Variants in DCPS observed in about 807,000 individuals in gnomAD.
DCPS encodes m7GpppX diphosphatase.
A neutral mutation model predicts 34.7 loss-of-function variants in DCPS; 27 were observed. That is an observed-to-expected ratio of 0.78 (90% CI 0.57 to 1.07). The LOEUF is 1.07. Among genes scored for constraint, DCPS ranks in the 50% least tolerant of loss-of-function variants. The pLI, the probability that DCPS is intolerant of heterozygous loss-of-function variation, is 0.00. For synonymous variants in DCPS, 185 were observed against 185.7 expected (o/e 1.00, Z 0.03); for missense variants, 464 against 436.9 (o/e 1.06, Z -0.55).
intron 2 of DCPS, among the ~76,000 whole-genome samples, chr11:126,324,247 T>G (rs1317951929): frequency 6.6e-6 from 1 of 152,222 alleles, no homozygotes; most frequent in African/African-American, 2.4e-5. Flanking sequence ...TGCATAATGA[T>G]TTCTGTTTTA....
In DCPS at chr11:126,345,687, G is replaced by A. The variant is rs1951919598; in HGVS notation, c.*74G>A. ...GGGACAAGATTTTTTATCTCCAAGT[G>A]AATTTTCTAAAAATGTATTTTATAC... On this transcript the variant is annotated 3_prime_UTR_variant, in exon 6 of 6. Coordinates refer to ENST00000263579, the MANE Select transcript of DCPS (RefSeq NM_014026.6). The surrounding 1 kb of genome is among the most constrained non-coding windows in gnomAD (Gnocchi z 7.4). 3.2e-6 allele frequency: 5 copies of A among 1,555,638 alleles called. No homozygotes were observed. The East Asian group carries it at 1.1e-4, about 35-fold the overall frequency.
chr11:126,316,751 G>C, intron 2 of DCPS, among the ~76,000 whole-genome samples: 1 of 151,420 alleles, frequency 6.6e-6, no homozygotes, highest in Non-Finnish European at 1.5e-5. Flanking sequence ...CGCCTCCCGG[G>C]TTCAAGCCAT....
rs1240194426 is a variant in DCPS, at chr11:126,334,122, A to G, written c.522+2572A>G. Among the ~76,000 whole-genome samples the G allele has an allele frequency of 6.6e-6, 1 of 152,076 alleles. No homozygotes were observed. The highest frequency in any genetic ancestry group is 1.9e-4 in the East Asian group (1 of 5,166). On this transcript the variant is annotated intron_variant, in intron 3 of 5. Coordinates refer to ENST00000263579, the MANE Select transcript of DCPS (RefSeq NM_014026.6). This position sits in a 1 kb window ranked among gnomAD's most constrained non-coding sequence, Gnocchi z 5.5. ...AAGAGGTAGGTCTTCACAGGGCTGG[A>G]TGGGGCTTAGCAACTGATTGACGTG...
At chr11:126,309,494 T>G (rs1951603103) in intron 2 of DCPS, among the ~76,000 whole-genome samples, 1 of 152,198 alleles carries the variant, frequency 6.6e-6, no homozygotes, top group African/African-American at 2.4e-5. Context: ...TAAATAGTTA[T>G]TATACCATGT....
intron 2 of DCPS, among the ~76,000 whole-genome samples, chr11:126,318,290 T>C (rs1951678391): frequency 6.6e-6 from 1 of 152,206 alleles, no homozygotes; most frequent in Non-Finnish European, 1.5e-5. Context: ...TTATCCTTGA[T>C]GTGGAGGTCT....
rs993172408 is a variant in DCPS, at chr11:126,346,270, G to A, written c.*657G>A. ...TGCCTTGCTCTGTTATTTGGTCAGC[G>A]AGTCCCCAGCCTTGAGTTTTTATCT... On this transcript the variant is annotated 3_prime_UTR_variant, in exon 6 of 6. Coordinates refer to ENST00000263579, the MANE Select transcript of DCPS (RefSeq NM_014026.6). This position sits in a 1 kb window ranked among gnomAD's most constrained non-coding sequence, Gnocchi z 4.1. Among the ~76,000 whole-genome samples the A allele has an allele frequency of 2.0e-4, 30 of 152,282 alleles. No individual in the cohort carries two copies. Among genetic ancestry groups the A allele is most frequent in the African/African-American group, 7.2e-4 (30 of 41,560 alleles).
chr11:126,343,532 CT>C (rs1951894290), intron 5 of DCPS, 115 bp downstream of exon 5: 1 of 900,136 alleles, frequency 1.1e-6, no homozygotes, highest in East Asian at 2.6e-5. Context: ...AGACTTCTCT[CT>C]GGATGCCAGT....
rs1261890077 is a variant in DCPS at position 126,325,908 on chromosome 11, A to G, written c.377-5497A>G. 6.6e-6 allele frequency among the ~76,000 whole-genome samples: 1 copy of G among 152,114 alleles called. No homozygotes were observed. Among genetic ancestry groups the G allele is most frequent in the African/African-American group, 2.4e-5 (1 of 41,406 alleles). On this transcript the variant is annotated intron_variant, in intron 2 of 5. Coordinates refer to ENST00000263579, the MANE Select transcript of DCPS (RefSeq NM_014026.6). The surrounding 1 kb of genome is among the most constrained non-coding windows in gnomAD (Gnocchi z 4.3). ...GCTGAGGTGGGCGGATTACGAGATC[A>G]GGAAATCGAGGCCATCCTGGCCAAC...
At position 126,331,306 on chromosome 11, in the gene DCPS, G is replaced by T. The variant is rs1007750202; in HGVS notation, c.377-99G>T. On this transcript the variant is annotated intron_variant, in intron 2 of 5. Transcript: ENST00000263579. This position sits in a 1 kb window ranked among gnomAD's most constrained non-coding sequence, Gnocchi z 7.2. ...CTCTTGGATTTTGGCTTCCCTCAGG[G>T]AATCAAAGCCAGGGTGGGAGTTCTC... The T allele has an allele frequency of 1.3e-6, 2 of 1,531,814 alleles. No individual in the cohort carries two copies. Among genetic ancestry groups the T allele is most frequent in the East Asian group, 4.5e-5 (2 of 44,210 alleles). 94.9% of individuals were successfully genotyped at this position (1,531,814 alleles called of 1,614,324 possible). A position where few individuals can be genotyped will look rare whatever the true frequency, so the allele number is the denominator to read the frequency against.
intron 1 of DCPS, among the ~76,000 whole-genome samples, chr11:126,305,065 A>T (rs915445442): frequency 1.3e-5 from 2 of 152,238 alleles, no homozygotes; most frequent in Non-Finnish European, 2.9e-5. Flanking sequence ...ACCTTGGCCT[A>T]GGCTTCCATG....
intron 2 of DCPS, among the ~76,000 whole-genome samples, chr11:126,326,479 T>G (rs1431978772): frequency 6.6e-6 from 1 of 152,122 alleles, no homozygotes; most frequent in East Asian, 1.9e-4. Flanking sequence ...TCATAAGGAG[T>G]AAATGAGTTC....
rs531824754 is a variant in DCPS at position 126,348,990 on chromosome 11, T to C, written c.*3377T>C. ...CTTTGTTCACCATTTCCCCAGAACC[T>C]AGGGTGGTGACTCACCTATAAGTGC... On this transcript the variant is annotated 3_prime_UTR_variant, in exon 6 of 6. Transcript: ENST00000263579. This position sits in a 1 kb window ranked among gnomAD's most constrained non-coding sequence, Gnocchi z 5.3. 3.3e-5 allele frequency among the ~76,000 whole-genome samples: 5 copies of C among 152,280 alleles called. No homozygotes were observed. The South Asian group carries it at 1.0e-3, about 32-fold the overall frequency.
rs1357577140 is a variant in DCPS at position 126,338,403 on chromosome 11, A to G, written c.636+4A>G. ...CCTCAAGTGGAACCAACAGCAGGTA[A>G]AGGTTTCTGGCTGGAATGTCCTGAT... On this transcript the variant is annotated splice_donor_region_variant and intron_variant, in intron 4 of 5. Transcript: ENST00000263579. This position sits in a 1 kb window ranked among gnomAD's most constrained non-coding sequence, Gnocchi z 5.4. 1.2e-6 allele frequency: 2 copies of G among 1,613,768 alleles called. No homozygotes were observed. Among genetic ancestry groups the G allele is most frequent in the Admixed American group, 1.7e-5 (1 of 60,004 alleles).
At chr11:126,307,003 C>T (rs916764141) in intron 2 of DCPS, among the ~76,000 whole-genome samples, 1 of 152,056 alleles carries the variant, frequency 6.6e-6, no homozygotes, top group African/African-American at 2.4e-5. Flanking sequence ...ACAGGACAGG[C>T]TCCCACAGCA....
At position 126,335,857 on chromosome 11, in the gene DCPS, G is replaced by A. The variant is rs558985605; in HGVS notation, c.523-2429G>A. On this transcript the variant is annotated intron_variant, in intron 3 of 5. Transcript: ENST00000263579. The surrounding 1 kb of genome is among the most constrained non-coding windows in gnomAD (Gnocchi z 4.8). Reference sequence around the variant, plus strand: ...GGAGAATCACTTGAACCTGGGAGGTGGAGGTTGCAGTGAGCTGAGATCACG... The same window carrying A: ...GGAGAATCACTTGAACCTGGGAGGTAGAGGTTGCAGTGAGCTGAGATCACG... Among the ~76,000 whole-genome samples, 75 of 152,224 alleles carry A rather than the reference G, an allele frequency of 4.9e-4. No individual in the cohort carries two copies. Among genetic ancestry groups the A allele is most frequent in the African/African-American group, 1.6e-3 (67 of 41,522 alleles).
chr11:126,317,262 C>T (rs73017401), intron 2 of DCPS, among the ~76,000 whole-genome samples: 8 of 151,418 alleles, frequency 5.3e-5, no homozygotes, highest in South Asian at 2.1e-4. Flanking sequence ...CCCGGCCTCC[C>T]GGCCTCTTTC....
chr11:126,315,515 A>G lies in DCPS; in HGVS notation c.376+8771A>G, dbSNP rs185378503. ...GTCAAGGCTGCAGTGAACTATGATT[A>G]TGCCGCTGCACTCCAACCTGGGTGG... On this transcript the variant is annotated intron_variant, in intron 2 of 5. Coordinates refer to ENST00000263579, the MANE Select transcript of DCPS (RefSeq NM_014026.6). This position sits in a 1 kb window ranked among gnomAD's most constrained non-coding sequence, Gnocchi z 6.1. Among the ~76,000 whole-genome samples, 1 of 152,062 alleles carries G rather than the reference A, an allele frequency of 6.6e-6. No homozygotes were observed. The highest frequency in any genetic ancestry group is 1.9e-4 in the East Asian group (1 of 5,174).
Position 126,338,453 on chromosome 11 carries a change from T to C in DCPS, c.636+54T>C. 1 of 1,517,090 alleles carries C rather than the reference T, an allele frequency of 6.6e-7. No individual in the cohort carries two copies. Among genetic ancestry groups the C allele is most frequent in the Non-Finnish European group, 9.2e-7 (1 of 1,092,038 alleles). 94.0% of individuals were successfully genotyped at this position (1,517,090 alleles called of 1,614,324 possible). A position where few individuals can be genotyped will look rare whatever the true frequency, so the allele number is the denominator to read the frequency against. ...TCTCTGGCCACCCTGCTGTAAGTGC[T>C]GGTCCTTCTGACTGCCCTCTTTCTC... On this transcript the variant is annotated intron_variant, in intron 4 of 5. Transcript: ENST00000263579. This position sits in a 1 kb window ranked among gnomAD's most constrained non-coding sequence, Gnocchi z 5.4.
chr11:126,340,912 T>A (rs1951870638), intron 4 of DCPS: 1 of 152,196 alleles, frequency 6.6e-6, no homozygotes, highest in South Asian at 2.1e-4. Flanking sequence ...GTTTATTTTC[T>A]TGTAGGTTTA....
Sources: allele counts gnomAD v4.1 joint callset (sites outside exome capture counted in the v4.1 genomes callset), GRCh38; gene constraint gnomAD v4.1.1; non-coding constraint Gnocchi (gnomAD v3.1); transcripts MANE v1.5; gene names NCBI Gene and HGNC (gene_info 2026-07-23, HGNC 2026-07-21).